DEPTOR: variants seen among roughly 807,000 people sequenced by gnomAD.
DEPTOR encodes the protein DEP domain containing MTOR interacting protein.
DEPTOR carries 41 observed loss-of-function variants against 41.6 expected under a neutral mutation model. That is an observed-to-expected ratio of 0.98 (90% confidence interval 0.77 to 1.28). The LOEUF is 1.28. DEPTOR is among the 50% of genes most tolerant of loss of function. DEPTOR has a pLI of 0.00. For synonymous variants in DEPTOR, 195 were observed against 192.3 expected (o/e 1.01, Z -0.12); for missense variants, 514 against 527.9 (o/e 0.97, Z 0.26).
chr8:119,929,684 T>C, intron 2 of DEPTOR, 131 bp from the exon 3 acceptor site: 1 of 1,223,640 alleles, frequency 8.2e-7, no homozygotes, highest in Non-Finnish European at 1.1e-6. Flanking sequence ...TATTAGCTCA[T>C]ATGGTACATA....
At position 120,001,573 on chromosome 8, in the gene DEPTOR, G is replaced by C; in HGVS notation, c.653G>C (p.Arg218Thr). 4 of 1,613,628 alleles carry C rather than the reference G, an allele frequency of 2.5e-6. No individual in the cohort carries two copies. Among genetic ancestry groups the C allele is most frequent in the Non-Finnish European group, 3.4e-6 (4 of 1,179,900 alleles). Reference protein sequence around the residue: ...FVDSNLLYQFRMNFRRRRRLM... With the variant: ...FVDSNLLYQFTMNFRRRRRLM... The stretch of plus-strand genomic sequence containing the variant: ...GACAGCAATCTTCTCTACCAGTTCA[G>C]AATGAACTTCCGGCGGAGGCGAAGA... Residue 218 changes from arginine to threonine, a missense_variant, in exon 5 of 9, where the codon AGA becomes ACA. Physicochemically the swap from Arg to Thr is moderately conservative, Grantham distance 71. Coordinates refer to ENST00000286234, the MANE Select transcript of DEPTOR (RefSeq NM_022783.4).
chr8:119,918,938 A>AGTGTGTGTGTGTGTGTGTGT (rs751715374), intron 1 of DEPTOR, among the ~76,000 whole-genome samples: 33 of 133,554 alleles, frequency 2.5e-4, no homozygotes, highest in South Asian at 1.1e-3. Flanking sequence ...TTGCATAGTG[A>AGTGTGTGTGTGTGTGTGTGT]GTGTGTGTGT....
intron 8 of DEPTOR, among the ~76,000 whole-genome samples, chr8:120,035,793 A>C (rs533240122): frequency 6.6e-6 from 1 of 152,282 alleles, no homozygotes; most frequent in East Asian, 1.9e-4. Flanking sequence ...CGGCCTCCCA[A>C]AGTGCTGGGA....
At chr8:119,883,185 T>C (rs1586596517) in intron 1 of DEPTOR, among the ~76,000 whole-genome samples, 1 of 151,828 alleles carries the variant, frequency 6.6e-6, no homozygotes, top group Non-Finnish European at 1.5e-5. Context: ...AGACAAGATA[T>C]GCTTTAGGGC....
intron 3 of DEPTOR, among the ~76,000 whole-genome samples, chr8:119,963,431 A>C (rs948192035): frequency 6.6e-6 from 1 of 151,778 alleles, no homozygotes; most frequent in African/African-American, 2.4e-5. Flanking sequence ...GCTCACTGCA[A>C]CCTCTGCCTC....
intron 8 of DEPTOR, among the ~76,000 whole-genome samples, chr8:120,023,109 C>T (rs1432089981): frequency 1.3e-5 from 2 of 152,114 alleles, no homozygotes; most frequent in East Asian, 3.8e-4. Flanking sequence ...CACAGAGGGC[C>T]GGTTTCTCAC....
intron 4 of DEPTOR, among the ~76,000 whole-genome samples, chr8:119,991,639 C>T (rs539035608): frequency 2.8e-4 from 42 of 152,196 alleles, no homozygotes; most frequent in African/African-American, 8.9e-4. Flanking sequence ...TCCTTCTTTG[C>T]ATTCATAAGT....
chr8:119,938,973 C>CTCTCTCTG (rs1458771316), intron 3 of DEPTOR, among the ~76,000 whole-genome samples: 1 of 149,630 alleles, frequency 6.7e-6, no homozygotes, highest in Non-Finnish European at 1.5e-5. Flanking sequence ...CTCTCTCTCT[C>CTCTCTCTG]TGTGTTTCTC....
At chr8:119,974,637 T>C (rs55660329) in intron 4 of DEPTOR, among the ~76,000 whole-genome samples, 41,419 of 151,980 alleles carry the variant, frequency 0.27, 5,957 homozygotes, top group South Asian at 0.36. Flanking sequence ...GCAGGCTTGA[T>C]GGTGTGTGCC....
chr8:119,914,109 G>C (rs561986432), intron 1 of DEPTOR, among the ~76,000 whole-genome samples: 27 of 150,210 alleles, frequency 1.8e-4, no homozygotes, highest in East Asian at 5.9e-4. Flanking sequence ...GCAGTGGCAT[G>C]ATCTTGGCTC....
At chr8:120,008,059 C>T (rs1477522144) in intron 7 of DEPTOR, among the ~76,000 whole-genome samples, 1 of 152,224 alleles carries the variant, frequency 6.6e-6, no homozygotes, top group African/African-American at 2.4e-5. Flanking sequence ...TGGCTAGGAG[C>T]TGTCCAGGGA....
intron 1 of DEPTOR, among the ~76,000 whole-genome samples, chr8:119,884,160 C>T (rs376868699): frequency 3.3e-5 from 5 of 152,274 alleles, no homozygotes; most frequent in South Asian, 2.1e-4. Context: ...CAGGTTCAAG[C>T]GATTCTCCTG....
chr8:119,966,521 G>A (rs185784277), intron 4 of DEPTOR, among the ~76,000 whole-genome samples: 14 of 152,244 alleles, frequency 9.2e-5, no homozygotes, highest in Non-Finnish European at 1.5e-4. Context: ...GTCTCCTTCC[G>A]TCACCCAGGC....
chr8:119,928,622 G>A, intron 2 of DEPTOR, 44 bp downstream of exon 2: 1 of 1,589,480 alleles, frequency 6.3e-7, no homozygotes, highest in Non-Finnish European at 8.6e-7. Context: ...GAAATGGAAG[G>A]ACTAGATCTT....
intron 3 of DEPTOR, among the ~76,000 whole-genome samples, chr8:119,935,887 C>G (rs1828104821): frequency 6.6e-6 from 1 of 151,794 alleles, no homozygotes; most frequent in East Asian, 1.9e-4. Context: ...TTTAAACTAA[C>G]TTCGATTTTA....
At chr8:120,023,713 T>TG (rs1390252296) in intron 8 of DEPTOR, among the ~76,000 whole-genome samples, 2 of 152,222 alleles carry the variant, frequency 1.3e-5, no homozygotes, top group Non-Finnish European at 2.9e-5. Context: ...TGGATTTTTT[T>TG]GTTTTTTTGT....
At chr8:120,008,754 A>G (rs1812487490) in intron 7 of DEPTOR, among the ~76,000 whole-genome samples, 1 of 152,176 alleles carries the variant, frequency 6.6e-6, no homozygotes. Flanking sequence ...ACAGCCTAAG[A>G]AAGAGAAAAT....
chr8:119,888,131 AT>A (rs1273207772), intron 1 of DEPTOR, among the ~76,000 whole-genome samples: 4 of 151,174 alleles, frequency 2.6e-5, no homozygotes, highest in South Asian at 2.1e-4. Flanking sequence ...TCAGTTATTT[AT>A]TTTTTTTTAC....
intron 1 of DEPTOR, among the ~76,000 whole-genome samples, chr8:119,920,868 C>T (rs1049784954): frequency 2.6e-5 from 4 of 152,158 alleles, no homozygotes; most frequent in African/African-American, 9.7e-5. Flanking sequence ...CCTCTTGCAT[C>T]CCTCATTTGC....
Sources: allele counts gnomAD v4.1 joint callset (sites outside exome capture counted in the v4.1 genomes callset), GRCh38; gene constraint gnomAD v4.1.1; transcripts MANE v1.5; gene names NCBI Gene and HGNC (gene_info 2026-07-23, HGNC 2026-07-21).